Variants in SMCO2 observed in about 807,000 individuals in gnomAD.
SMCO2 encodes the protein single-pass membrane and coiled-coil domain-containing protein 2.
In SMCO2, 25 loss-of-function variants were observed where a neutral mutation model predicts 29.5. The ratio of observed to expected loss-of-function variants is 0.85; its 90% CI spans 0.62 to 1.18. The LOEUF is 1.18. Ranked by LOEUF, SMCO2 falls within the 50% of genes most tolerant of loss-of-function variation. The pLI is 0.00. For synonymous variants in SMCO2, 117 were observed against 123.3 expected (o/e 0.95, Z 0.34); for missense variants, 348 against 344.5 (o/e 1.01, Z -0.08).
chr12:27,482,048 A>G (rs917508833), intron 4 of SMCO2, among the ~76,000 whole-genome samples: 1 of 148,422 alleles, frequency 6.7e-6, no homozygotes. Flanking sequence ...TGCTGACTTT[A>G]GGCTTATGTT....
chr12:27,458,085 C>T, the SMCO2 span, among the ~76,000 whole-genome samples: 67 of 152,236 alleles, frequency 4.4e-4, no homozygotes, highest in Non-Finnish European at 8.2e-4. Context: ...TAATTGTATC[C>T]GCTTGTGCTT....
chr12:27,481,234 G>C (rs1949640416), intron 4 of SMCO2, among the ~76,000 whole-genome samples: 1 of 152,242 alleles, frequency 6.6e-6, no homozygotes. Flanking sequence ...GTCTCAGTGG[G>C]TGTGTAAGAC....
intron 7 of SMCO2, among the ~76,000 whole-genome samples, chr12:27,500,157 TC>T (rs1167115224): frequency 6.7e-6 from 1 of 149,452 alleles, no homozygotes; most frequent in African/African-American, 2.5e-5. Flanking sequence ...TATTTTTTTT[TC>T]CCAAAGAAAA....
In SMCO2 at chr12:27,495,810, C is replaced by A. The variant is rs546963781; in HGVS notation, c.638C>A (p.Pro213Gln). Residue 213 changes from proline (P) to glutamine (Q), a missense_variant, in exon 7 of 8, where the codon CCA becomes CAA. Transcript: ENST00000298876. ...ATGGAGGCCCTGCTTCCTCAGGCCC[C>A]AGCATCCTTTTTAGTGCAGAAGTCT... is the stretch of plus-strand genomic sequence containing the variant. 5.9e-6 allele frequency: 9 copies of A among 1,533,956 alleles called. No homozygotes were observed. In the African/African-American group the frequency reaches 7.0e-5, roughly 12 times the overall value.
the SMCO2 span, among the ~76,000 whole-genome samples, chr12:27,446,314 C>T: frequency 3.3e-5 from 5 of 152,212 alleles, no homozygotes; most frequent in East Asian, 9.7e-4. Flanking sequence ...AGAGAGAAAG[C>T]TCTCTGGTGC....
the SMCO2 span, among the ~76,000 whole-genome samples, chr12:27,451,386 C>T: frequency 6.6e-6 from 1 of 151,884 alleles, no homozygotes; most frequent in African/African-American, 2.4e-5. Flanking sequence ...CCATTTCTGT[C>T]TCTTCTCTTT....
rs140605856 is a variant in SMCO2, at chr12:27,480,658, G to T, written c.362+5745G>T. 1.6e-4 allele frequency among the ~76,000 whole-genome samples: 25 copies of T among 152,102 alleles called. No homozygotes were observed. The East Asian group carries it at 4.9e-3, about 30-fold the overall frequency. On this transcript the variant is annotated intron_variant, in intron 4 of 7. Transcript: ENST00000298876. ...AGGATAATGAGTGCGTTCTTGATCC[G>T]AGTTGACATGAGATCTGGTTGTTTA...
intron 2 of SMCO2, 61 bp from the exon 3 acceptor site, chr12:27,472,715 A>G (rs1949551251): frequency 7.9e-7 from 1 of 1,262,686 alleles, no homozygotes; most frequent in Admixed American, 2.0e-5. Context: ...GGAGTAGTGC[A>G]GGCCCAAGCT....
chr12:27,475,719 A>G, intron 4 of SMCO2: 1 of 1,547,330 alleles, frequency 6.5e-7, no homozygotes. Context: ...GTAACAGAAA[A>G]CACAGTGAAG....
chr12:27,475,740 A>C lies in SMCO2; in HGVS notation c.362+827A>C. 6.5e-7 allele frequency: 1 copy of C among 1,540,010 alleles called. No homozygotes were observed. The highest frequency in any genetic ancestry group is 8.8e-7 in the Non-Finnish European group (1 of 1,142,574). On this transcript the variant is annotated intron_variant, in intron 4 of 7. Coordinates refer to ENST00000298876, the Ensembl canonical transcript of SMCO2. ...GAAAACACAGTGAAGAGGTAATTGT[A>C]GGGTGTTGGGGTTGGTCATAAAATA...
the SMCO2 span, among the ~76,000 whole-genome samples, chr12:27,435,541 C>G: frequency 6.6e-6 from 1 of 150,838 alleles, no homozygotes; most frequent in South Asian, 2.1e-4. Context: ...CTCTCTCTCT[C>G]TCTCCCCCCC....
chr12:27,443,596 A>G, the SMCO2 span, among the ~76,000 whole-genome samples: 1 of 152,214 alleles, frequency 6.6e-6, no homozygotes, highest in Non-Finnish European at 1.5e-5. Context: ...TGCACATGAC[A>G]AATCTTATAC....
At chr12:27,429,684 C>T in the SMCO2 span, among the ~76,000 whole-genome samples, 1 of 152,016 alleles carries the variant, frequency 6.6e-6, no homozygotes, top group South Asian at 2.1e-4. Context: ...TTTAGGATGT[C>T]GGAAAGTTTT....
At chr12:27,438,128 T>C in the SMCO2 span, among the ~76,000 whole-genome samples, 1 of 152,206 alleles carries the variant, frequency 6.6e-6, no homozygotes, top group Non-Finnish European at 1.5e-5. Context: ...CTTTAACATT[T>C]ATTTCTCTGG....
At chr12:27,451,412 C>A in the SMCO2 span, among the ~76,000 whole-genome samples, 1 of 152,174 alleles carries the variant, frequency 6.6e-6, no homozygotes. Context: ...AACCTCCCCC[C>A]TGCTGGTCCC....
chr12:27,447,350 T>C, the SMCO2 span, among the ~76,000 whole-genome samples: 28 of 152,264 alleles, frequency 1.8e-4, no homozygotes, highest in African/African-American at 6.5e-4. Context: ...CTGGGGAAGC[T>C]GTCACCACCG....
the SMCO2 span, among the ~76,000 whole-genome samples, chr12:27,448,908 G>T: frequency 1.3e-5 from 2 of 152,106 alleles, no homozygotes; most frequent in Non-Finnish European, 2.9e-5. Context: ...GAGAAGAATG[G>T]AATTGTCAAA....
At chr12:27,463,038 G>A (rs1486860162), upstream of SMCO2, among the ~76,000 whole-genome samples, 2 of 152,202 alleles carry the variant, frequency 1.3e-5, no homozygotes, top group African/African-American at 2.4e-5. Context: ...TGGAGCAGAT[G>A]TTGGGGTTAG....
the SMCO2 span, among the ~76,000 whole-genome samples, chr12:27,430,845 C>T: frequency 6.6e-6 from 1 of 152,026 alleles, no homozygotes; most frequent in Non-Finnish European, 1.5e-5. Flanking sequence ...GTTACCCCAC[C>T]GCTCATAAGC....
Sources: gnomAD v4.1 joint callset for allele counts (sites outside exome capture counted in the v4.1 genomes callset) on GRCh38, gnomAD v4.1.1 for gene constraint, MANE v1.5 for transcripts, NCBI Gene and HGNC (gene_info 2026-07-23, HGNC 2026-07-21) for gene names.